RBFOX1: variants seen among roughly 807,000 people sequenced by gnomAD.
RBFOX1 encodes RNA binding fox-1 homolog 1, also known as RNA binding protein fox-1 homolog 1.
A neutral mutation model predicts 57.7 loss-of-function variants in RBFOX1; 8 were observed. The observed-to-expected ratio is 0.14, with a 90% CI of 0.08 to 0.25. The LOEUF (loss-of-function observed/expected upper bound fraction) is 0.25, where lower values mean the gene tolerates loss of function less well. Ranked by LOEUF, RBFOX1 falls within the 10% of genes least tolerant of loss-of-function variation. RBFOX1 has a pLI of 1.00. For synonymous variants in RBFOX1, 326 were observed against 222.4 expected (o/e 1.47, Z -4.15); for missense variants, 611 against 548.5 (o/e 1.11, Z -1.14).
intron 1 of RBFOX1, among the ~76,000 whole-genome samples, chr16:5,398,094 A>G (rs1050810201): frequency 2.6e-5 from 4 of 152,238 alleles, no homozygotes; most frequent in African/African-American, 9.6e-5. Context: ...ACTGAGATTC[A>G]ACCTAGACGA....
intron 4 of RBFOX1, among the ~76,000 whole-genome samples, chr16:7,271,896 T>C (rs2095326830): frequency 6.6e-6 from 1 of 152,154 alleles, no homozygotes; most frequent in Non-Finnish European, 1.5e-5. Flanking sequence ...TATCGATTAG[T>C]TGACATCCAT....
At chr16:6,769,186 C>G (rs1254988211) in intron 3 of RBFOX1, among the ~76,000 whole-genome samples, 1 of 152,070 alleles carries the variant, frequency 6.6e-6, no homozygotes, top group Non-Finnish European at 1.5e-5. Flanking sequence ...AGTGCATAAG[C>G]CTCATGAGAT....
intron 4 of RBFOX1, among the ~76,000 whole-genome samples, chr16:7,503,702 T>C (rs2071782312): frequency 6.6e-6 from 1 of 152,156 alleles, no homozygotes; most frequent in African/African-American, 2.4e-5. Flanking sequence ...ACCCAGGAGG[T>C]GGAGAATCCC....
chr16:6,001,283 C>G (rs561408113), intron 4 of RBFOX1, among the ~76,000 whole-genome samples: 3 of 152,192 alleles, frequency 2.0e-5, no homozygotes, highest in Admixed American at 6.5e-5. Flanking sequence ...GTGATTTTCT[C>G]TAGATTTTCA....
chr16:6,708,136 C>A (rs1231602703), intron 3 of RBFOX1, among the ~76,000 whole-genome samples: 1 of 152,144 alleles, frequency 6.6e-6, no homozygotes, highest in Non-Finnish European at 1.5e-5. Flanking sequence ...AGACACCTGG[C>A]TTGGGGAGCG....
intron 3 of RBFOX1, among the ~76,000 whole-genome samples, chr16:6,666,619 A>T (rs1328393678): frequency 6.6e-6 from 1 of 151,934 alleles, no homozygotes; most frequent in Non-Finnish European, 1.5e-5. Context: ...AAACCCAGGA[A>T]GTCTTTGTTT....
intron 2 of RBFOX1, among the ~76,000 whole-genome samples, chr16:6,381,586 G>A (rs2091819008): frequency 6.6e-6 from 1 of 152,192 alleles, no homozygotes; most frequent in Admixed American, 6.5e-5. Flanking sequence ...CTTTTCCAAG[G>A]TCTTGCCTTT....
intron 10 of RBFOX1, among the ~76,000 whole-genome samples, chr16:7,626,094 C>G (rs1370977314): frequency 6.6e-6 from 1 of 152,208 alleles, no homozygotes; most frequent in Non-Finnish European, 1.5e-5. Context: ...AAAGGAGTTA[C>G]CTAGAGCAAG....
chr16:6,966,138 G>C (rs1034364590), intron 3 of RBFOX1, among the ~76,000 whole-genome samples: 1 of 152,122 alleles, frequency 6.6e-6, no homozygotes, highest in African/African-American at 2.4e-5. Flanking sequence ...ATAAGGCATG[G>C]TTCCACTAAA....
chr16:7,000,626 G>T (rs1415224695), intron 3 of RBFOX1, among the ~76,000 whole-genome samples: 2 of 99,760 alleles, frequency 2.0e-5, no homozygotes, highest in East Asian at 3.9e-4. Context: ...TTGAGACAGA[G>T]TCTCGCTCTC....
chr16:6,570,503 A>T (rs182746153), intron 2 of RBFOX1, among the ~76,000 whole-genome samples: 10 of 152,330 alleles, frequency 6.6e-5, no homozygotes, highest in African/African-American at 2.2e-4. Flanking sequence ...CTCTATATAT[A>T]TATATACACA....
intron 4 of RBFOX1, among the ~76,000 whole-genome samples, chr16:7,509,639 T>G (rs554902698): frequency 2.0e-5 from 3 of 152,346 alleles, no homozygotes; most frequent in Admixed American, 6.5e-5. Context: ...GTTATGGTAT[T>G]TTTAAGATCG....
intron 3 of RBFOX1, among the ~76,000 whole-genome samples, chr16:6,892,820 C>G (rs1031410623): frequency 1.7e-5 from 2 of 117,574 alleles, no homozygotes; most frequent in South Asian, 2.8e-4. Context: ...CTCTCTCTCT[C>G]TCTCTCTATT....
chr16:6,744,601 C>T (rs967767776), intron 3 of RBFOX1, among the ~76,000 whole-genome samples: 4 of 151,726 alleles, frequency 2.6e-5, no homozygotes, highest in East Asian at 1.9e-4. Context: ...ACCTGTGGAT[C>T]GAAGAGAAAA....
At chr16:7,298,019 T>C (rs1350632645) in intron 4 of RBFOX1, among the ~76,000 whole-genome samples, 1 of 152,204 alleles carries the variant, frequency 6.6e-6, no homozygotes, top group Non-Finnish European at 1.5e-5. Context: ...TTTTGCTGTT[T>C]GTTTTGGTTT....
chr16:7,561,306 C>T (rs2090296644), intron 5 of RBFOX1, among the ~76,000 whole-genome samples: 1 of 152,154 alleles, frequency 6.6e-6, no homozygotes. Context: ...TTATGATGCC[C>T]AACTATTCAC....
At chr16:6,153,978 T>C (rs8062493) in intron 1 of RBFOX1, among the ~76,000 whole-genome samples, 88,309 of 152,102 alleles carry the variant, frequency 0.58, 26,551 homozygotes, top group African/African-American at 0.67. Context: ...AACAACACAA[T>C]AAAACAAATG....
chr16:5,285,251 T>C (rs2063364321), intron 1 of RBFOX1, among the ~76,000 whole-genome samples: 1 of 152,202 alleles, frequency 6.6e-6, no homozygotes. Context: ...AAGCTGTCAG[T>C]TATCTTTTGT....
chr16:5,555,689 G>A (rs1234219002), intron 2 of RBFOX1, among the ~76,000 whole-genome samples: 2 of 152,126 alleles, frequency 1.3e-5, no homozygotes, highest in East Asian at 1.9e-4. Context: ...GCAGAGACGG[G>A]GAAGTGTTTC....
Sources: allele counts gnomAD v4.1 joint callset (sites outside exome capture counted in the v4.1 genomes callset), GRCh38; gene constraint gnomAD v4.1.1; transcripts MANE v1.5; gene names NCBI Gene and HGNC (gene_info 2026-07-23, HGNC 2026-07-21).